The following RASA1 variants were observed in gnomAD, a reference collection of about 807,000 sequenced individuals.
RASA1 encodes RAS p21 protein activator 1.
In RASA1, 25 loss-of-function variants were observed where a neutral mutation model predicts 132.2. The ratio of observed to expected loss-of-function variants is 0.19; its 90% CI spans 0.14 to 0.26. The LOEUF is 0.26. Among genes scored for constraint, RASA1 ranks in the 10% least tolerant of loss-of-function variants. RASA1 has a pLI of 1.00. For synonymous variants in RASA1, 477 were observed against 449.9 expected, an observed-to-expected ratio of 1.06 and a Z score of -0.76; for missense variants, 964 against 1,299.2, an observed-to-expected ratio of 0.74 and a Z score of 3.97.
At chr5:87,276,900 T>C (rs1338860806) in intron 1 of RASA1, among the ~76,000 whole-genome samples, 1 of 152,208 alleles carries the variant, frequency 6.6e-6, no homozygotes, top group Non-Finnish European at 1.5e-5. Flanking sequence ...CACTCCACCC[T>C]ACACCCTAGC....
At chr5:87,299,521 T>G (rs1290981919) in intron 1 of RASA1, among the ~76,000 whole-genome samples, 1 of 152,196 alleles carries the variant, frequency 6.6e-6, no homozygotes. Context: ...TGTATATGGT[T>G]CTCTTTTCTT....
intron 23 of RASA1, among the ~76,000 whole-genome samples, chr5:87,387,305 C>T (rs932676168): frequency 5.3e-5 from 8 of 152,108 alleles, no homozygotes; most frequent in African/African-American, 1.9e-4. Flanking sequence ...AATAAGTAGA[C>T]TGAAAAGTCT....
Position 87,378,451 on chromosome 5 carries a change from G to C in RASA1, c.2400G>C (p.Gln800His), listed in dbSNP as rs752843047. 6.2e-7 allele frequency: 1 copy of C among 1,612,556 alleles called. No individual in the cohort carries two copies. Among genetic ancestry groups the C allele is most frequent in the Non-Finnish European group, 8.5e-7 (1 of 1,178,664 alleles). The change falls in exon 18 of 25, where the codon CAG becomes CAC. Residue 800 changes from glutamine to histidine, a missense_variant. Around this residue, in one of 6 missense-constraint regions of RASA1, gnomAD observed 346 missense variants for 520.1 expected, o/e 0.67. Coordinates refer to ENST00000274376, the MANE Select transcript of RASA1 (RefSeq NM_002890.3). ...ATTLASTLME[Q>H]YMKATATQFV... ...CACTTGCAAGCACCTTGATGGAGCA[G>C]TATATGAAAGCCACTGCTACACAGT...
intron 24 of RASA1, 33 bp from the exon 25 acceptor site, chr5:87,390,767 C>T (rs780508708): frequency 1.5e-5 from 24 of 1,566,002 alleles, no homozygotes; most frequent in Non-Finnish European, 2.0e-5. Flanking sequence ...ACCGAGCTTT[C>T]ATTTATTTTC....
At chr5:87,329,073 T>C (rs1757430522) in intron 1 of RASA1, among the ~76,000 whole-genome samples, 2 of 152,184 alleles carry the variant, frequency 1.3e-5, no homozygotes, top group Non-Finnish European at 1.5e-5. Context: ...ATTTAGGAAA[T>C]AGTTACTTAT....
At chr5:87,304,502 C>G (rs1298970306) in intron 1 of RASA1, among the ~76,000 whole-genome samples, 1 of 149,312 alleles carries the variant, frequency 6.7e-6, no homozygotes, top group African/African-American at 2.5e-5. Context: ...GAGTCTCACT[C>G]TGTTGCCCAG....
intron 1 of RASA1, among the ~76,000 whole-genome samples, chr5:87,287,684 G>A (rs979464073): frequency 1.4e-4 from 19 of 134,110 alleles, no homozygotes; most frequent in African/African-American, 4.6e-4. Flanking sequence ...ATATGTACAC[G>A]CCATAGATAT....
At position 87,267,915 on chromosome 5, in the gene RASA1, A is replaced by G. The variant is rs1360300949; in HGVS notation, c.-537A>G. ...GAGAGCTCCAGGTAGTGAGCAGTTC[A>G]GTCGATTTCCTCGTTACCCCGCCCC... On this transcript the variant is annotated 5_prime_UTR_variant, in exon 1 of 25. Coordinates refer to ENST00000274376, the MANE Select transcript of RASA1 (RefSeq NM_002890.3). The G allele has an allele frequency of 2.6e-6, 1 of 390,344 alleles. No individual in the cohort carries two copies. The highest frequency in any genetic ancestry group is 3.8e-5 in the East Asian group (1 of 26,646). The allele number at this position is 390,344 out of a possible 1,614,324, so 24.2% of individuals were successfully genotyped here.
At chr5:87,371,802 CTGTT>C (rs1176548833) in intron 12 of RASA1, among the ~76,000 whole-genome samples, 2 of 152,052 alleles carry the variant, frequency 1.3e-5, no homozygotes, top group Non-Finnish European at 2.9e-5. Context: ...AAGGTAGTAT[CTGTT>C]TGGGAGAAAT....
intron 1 of RASA1, among the ~76,000 whole-genome samples, chr5:87,291,965 A>G (rs1317742082): frequency 1.3e-5 from 2 of 152,192 alleles, no homozygotes; most frequent in Non-Finnish European, 2.9e-5. Context: ...TGCCATCTTT[A>G]TATCTTCTTT....
chr5:87,319,391 G>A (rs1053317100), intron 1 of RASA1, among the ~76,000 whole-genome samples: 27 of 152,304 alleles, frequency 1.8e-4, no homozygotes, highest in African/African-American at 4.1e-4. Context: ...GCCCTGTAGC[G>A]GAGTCCTGCC....
At chr5:87,344,371 C>G (rs879496144) in intron 6 of RASA1, among the ~76,000 whole-genome samples, 1 of 152,074 alleles carries the variant, frequency 6.6e-6, no homozygotes, top group Non-Finnish European at 1.5e-5. Flanking sequence ...AAAATTGAAT[C>G]TTATACTGAT....
intron 1 of RASA1, among the ~76,000 whole-genome samples, chr5:87,276,909 G>GCTAA (rs1194534668): frequency 2.0e-5 from 3 of 152,138 alleles, no homozygotes; most frequent in Non-Finnish European, 4.4e-5. Flanking sequence ...CTACACCCTA[G>GCTAA]CTAAGTTCAT....
chr5:87,273,906 C>G (rs982638910), intron 1 of RASA1, among the ~76,000 whole-genome samples: 1 of 152,130 alleles, frequency 6.6e-6, no homozygotes, highest in African/African-American at 2.4e-5. Flanking sequence ...CTCTGTTGGC[C>G]AGGCTGGTCT....
chr5:87,378,665 C>G, intron 18 of RASA1, 127 bp downstream of exon 18: 1 of 971,588 alleles, frequency 1.0e-6, no homozygotes, highest in East Asian at 2.7e-5. Context: ...AGCAGTTACA[C>G]CTGTCTGTAA....
chr5:87,343,985 T>C (rs920735671), intron 6 of RASA1, among the ~76,000 whole-genome samples: 4 of 152,154 alleles, frequency 2.6e-5, no homozygotes, highest in Admixed American at 2.6e-4. Flanking sequence ...AAATACCATG[T>C]GTTCTCACTC....
intron 17 of RASA1, among the ~76,000 whole-genome samples, chr5:87,377,563 C>T (rs1190252202): frequency 6.6e-6 from 1 of 152,044 alleles, no homozygotes; most frequent in Non-Finnish European, 1.5e-5. Context: ...TCTTGAACTC[C>T]TGACTTCAGG....
chr5:87,309,341 A>C (rs954220360), intron 1 of RASA1, among the ~76,000 whole-genome samples: 1 of 152,148 alleles, frequency 6.6e-6, no homozygotes, highest in Admixed American at 6.5e-5. Context: ...GAAAAGAGCA[A>C]TCAGACAGGA....
chr5:87,287,147 C>T (rs1224289718), intron 1 of RASA1, among the ~76,000 whole-genome samples: 1 of 135,204 alleles, frequency 7.4e-6, no homozygotes, highest in African/African-American at 2.8e-5. Flanking sequence ...ATATACACAC[C>T]GTATATATAC....
Sources: gnomAD v4.1 joint callset for allele counts (sites outside exome capture counted in the v4.1 genomes callset) on GRCh38, gnomAD v4.1.1 for gene constraint, gnomAD v4.1.1 regional missense constraint, MANE v1.5 for transcripts, NCBI Gene and HGNC (gene_info 2026-07-23, HGNC 2026-07-21) for gene names.